The following ACYP2 variants were observed in gnomAD, a reference collection of about 807,000 sequenced individuals.
ACYP2 encodes acylphosphatase 2.
Under a neutral mutation model 11.2 loss-of-function variants are expected in ACYP2, and 12 were observed. The ratio of observed to expected loss-of-function variants is 1.08; its 90% confidence interval spans 0.69 to 1.74. ACYP2 has a LOEUF of 1.74. Among genes scored for constraint, ACYP2 ranks in the 40% most tolerant of loss-of-function variants. ACYP2 has a pLI of 0.00. For synonymous variants in ACYP2, 43 were observed against 32.2 expected (o/e 1.33, Z -1.13); for missense variants, 134 against 101.9 (o/e 1.31, Z -1.35).
At chr2:54,190,734 T>A (rs970403917) in intron 6 of ACYP2, among the ~76,000 whole-genome samples, 4 of 152,072 alleles carry the variant, frequency 2.6e-5, no homozygotes, top group Non-Finnish European at 4.4e-5. Flanking sequence ...TATAAATGGA[T>A]ATACCCCAGA....
At chr2:53,987,842 T>G (rs995761323) in intron 2 of ACYP2, among the ~76,000 whole-genome samples, 7 of 152,142 alleles carry the variant, frequency 4.6e-5, no homozygotes, top group Non-Finnish European at 7.4e-5. Context: ...CTTGTGGGTT[T>G]TTTTGTTTGT....
At chr2:54,000,915 C>T (rs541538167) in intron 2 of ACYP2, among the ~76,000 whole-genome samples, 1 of 152,342 alleles carries the variant, frequency 6.6e-6, no homozygotes, top group Non-Finnish European at 1.5e-5. Context: ...GTTTTGTCCA[C>T]TAATGCTGCT....
intron 4 of ACYP2, among the ~76,000 whole-genome samples, chr2:54,061,476 A>C (rs1451956126): frequency 6.6e-6 from 1 of 152,106 alleles, no homozygotes; most frequent in African/African-American, 2.4e-5. Flanking sequence ...ACAGAGACTA[A>C]AGTTGCTGAT....
At chr2:54,286,021 G>A (rs1689063193) in intron 6 of ACYP2, among the ~76,000 whole-genome samples, 1 of 152,174 alleles carries the variant, frequency 6.6e-6, no homozygotes, top group Non-Finnish European at 1.5e-5. Flanking sequence ...ATAGGGTTAT[G>A]TACCAATAAA....
rs771327631 is a variant in ACYP2 at position 54,255,788 on chromosome 2, C to T, written c.405-48900C>T. ...TCTAGAGCCTTCTCCCCACCTAGGC[C>T]GTGCGTCTCTTCACCCGGAAAGCCA... On this transcript the variant is annotated intron_variant, in intron 6 of 6. Coordinates refer to ENST00000607452, the MANE Select transcript of ACYP2 (RefSeq NM_001320586.2). The T allele has an allele frequency of 5.6e-6, 9 of 1,613,832 alleles. No individual in the cohort carries two copies. Among genetic ancestry groups the T allele is most frequent in the Non-Finnish European group, 5.9e-6 (7 of 1,180,032 alleles).
intron 2 of ACYP2, among the ~76,000 whole-genome samples, chr2:54,041,928 C>T (rs1280715623): frequency 6.6e-6 from 1 of 151,732 alleles, no homozygotes; most frequent in Non-Finnish European, 1.5e-5. Context: ...GTTGCTGGGA[C>T]CACAGGCATG....
chr2:54,255,319 G>C (rs1687445985), intron 6 of ACYP2: 1 of 1,614,130 alleles, frequency 6.2e-7, no homozygotes. Flanking sequence ...TTCCAAATTG[G>C]TTAAGTAGCT....
chr2:54,168,790 T>C (rs191076781), intron 6 of ACYP2, among the ~76,000 whole-genome samples: 1 of 152,270 alleles, frequency 6.6e-6, no homozygotes, highest in Admixed American at 6.5e-5. Context: ...CTGTAGAGGG[T>C]GTATTATAGA....
intron 6 of ACYP2, among the ~76,000 whole-genome samples, chr2:54,219,905 A>ATATATATT (rs1288814375): frequency 0.012 from 881 of 75,884 alleles, 8 homozygotes; most frequent in Non-Finnish European, 0.014. Flanking sequence ...ATATATATAT[A>ATATATATT]TTTTTTTTTT....
intron 4 of ACYP2, among the ~76,000 whole-genome samples, chr2:54,124,166 A>G (rs1680324996): frequency 6.6e-6 from 1 of 151,936 alleles, no homozygotes; most frequent in South Asian, 2.1e-4. Context: ...ACCAAAAACA[A>G]CCTAAATTTC....
At chr2:53,999,176 A>G (rs1203855648) in intron 2 of ACYP2, among the ~76,000 whole-genome samples, 2 of 152,234 alleles carry the variant, frequency 1.3e-5, no homozygotes, top group African/African-American at 2.4e-5. Flanking sequence ...CAGTTTTTTA[A>G]TAGCCCCAAA....
intron 2 of ACYP2, among the ~76,000 whole-genome samples, chr2:53,988,959 G>A (rs1672153920): frequency 6.6e-6 from 1 of 152,038 alleles, no homozygotes; most frequent in Non-Finnish European, 1.5e-5. Context: ...ATGTTGGCCA[G>A]GCTGGTCTTC....
chr2:54,148,358 A>T (rs909426492), intron 6 of ACYP2, among the ~76,000 whole-genome samples: 2 of 152,232 alleles, frequency 1.3e-5, no homozygotes, highest in East Asian at 3.8e-4. Context: ...TATCATTTTA[A>T]TGGGGCTTCA....
intron 6 of ACYP2, among the ~76,000 whole-genome samples, chr2:54,206,011 A>G (rs971062070): frequency 2.0e-5 from 3 of 152,144 alleles, no homozygotes; most frequent in South Asian, 2.1e-4. Flanking sequence ...ATTTACTTCT[A>G]TTGCCTAGTC....
At chr2:54,016,887 G>A (rs906515972) in intron 2 of ACYP2, among the ~76,000 whole-genome samples, 187 of 151,964 alleles carry the variant, frequency 1.2e-3, no homozygotes, top group Non-Finnish European at 1.4e-3. Context: ...CACCACGCCC[G>A]GCTAATTTTT....
At chr2:54,133,604 C>T (rs1681055462) in intron 4 of ACYP2, among the ~76,000 whole-genome samples, 1 of 152,136 alleles carries the variant, frequency 6.6e-6, no homozygotes, top group South Asian at 2.1e-4. Context: ...AGTAGGAGCC[C>T]AGATGTGGGG....
At chr2:54,083,607 CAT>C (rs1677786306) in intron 4 of ACYP2, among the ~76,000 whole-genome samples, 1 of 152,096 alleles carries the variant, frequency 6.6e-6, no homozygotes, top group Non-Finnish European at 1.5e-5. Flanking sequence ...GAACCAAACA[CAT>C]GTGATGGAGA....
At chr2:54,037,202 TC>T (rs1674948557) in intron 2 of ACYP2, among the ~76,000 whole-genome samples, 2 of 151,902 alleles carry the variant, frequency 1.3e-5, no homozygotes, top group Non-Finnish European at 2.9e-5. Flanking sequence ...AACCTCTGCC[TC>T]CCAGGCTCAA....
chr2:54,251,063 G>A (rs556005200), intron 6 of ACYP2, among the ~76,000 whole-genome samples: 1 of 152,250 alleles, frequency 6.6e-6, no homozygotes, highest in East Asian at 1.9e-4. Flanking sequence ...TATTTGGCTG[G>A]AAGATAAAAA....
Sources: gnomAD v4.1 joint callset for allele counts (sites outside exome capture counted in the v4.1 genomes callset) on GRCh38, gnomAD v4.1.1 for gene constraint, MANE v1.5 for transcripts, NCBI Gene and HGNC (gene_info 2026-07-23, HGNC 2026-07-21) for gene names.